Variants in PCAT7 observed in about 807,000 individuals in gnomAD.
PCAT7 encodes prostate cancer associated transcript 7 (non-protein coding).
At chr9:94,555,877 C>T (rs1478187670) in intron 1 of PCAT7, among the ~76,000 whole-genome samples, 1 of 144,326 alleles carries the variant, frequency 6.9e-6, no homozygotes. Context: ...GGGGAAAAGA[C>T]GGGAAAATAG....
exon 2 of PCAT7, chr9:94,559,149 G>T: frequency 6.2e-7 from 1 of 1,603,942 alleles, no homozygotes; most frequent in Non-Finnish European, 8.5e-7. Context: ...AGGAACAGAG[G>T]CAGGTGAGTA....
chr9:94,563,238 A>G, intron 2 of PCAT7: 2 of 1,312,522 alleles, frequency 1.5e-6, no homozygotes, highest in South Asian at 2.9e-5. Flanking sequence ...ATCCCCACAC[A>G]GACATGCCAT....
intron 2 of PCAT7, among the ~76,000 whole-genome samples, chr9:94,566,417 A>T (rs530416064): frequency 6.6e-6 from 1 of 152,386 alleles, no homozygotes; most frequent in African/African-American, 2.4e-5. Context: ...CCTTAAGGAC[A>T]TGCTCCTGCT....
At chr9:94,556,355 C>A (rs1827012479) in intron 1 of PCAT7, among the ~76,000 whole-genome samples, 1 of 151,290 alleles carries the variant, frequency 6.6e-6, no homozygotes, top group African/African-American at 2.4e-5. Flanking sequence ...TGGGGAAAAG[C>A]GTGGTGAGCG....
intron 2 of PCAT7, among the ~76,000 whole-genome samples, chr9:94,562,337 G>A (rs1827121988): frequency 6.9e-6 from 1 of 144,804 alleles, no homozygotes; most frequent in Admixed American, 7.0e-5. Flanking sequence ...AAAAAAGAAT[G>A]TCCATTGTCC....
chr9:94,566,043 T>A (rs1827184759), intron 2 of PCAT7, among the ~76,000 whole-genome samples: 2 of 152,256 alleles, frequency 1.3e-5, no homozygotes, highest in African/African-American at 4.8e-5. Flanking sequence ...AGAGTTCTTC[T>A]CCACCACATG....
intron 2 of PCAT7, among the ~76,000 whole-genome samples, chr9:94,560,555 A>G (rs897884498): frequency 6.6e-6 from 1 of 151,880 alleles, no homozygotes; most frequent in Non-Finnish European, 1.5e-5. Flanking sequence ...TTCATTCTCC[A>G]TTATCACCTT....
chr9:94,571,877 C>A (rs1407655360), intron 2 of PCAT7, among the ~76,000 whole-genome samples: 2 of 152,140 alleles, frequency 1.3e-5, no homozygotes, highest in Non-Finnish European at 2.9e-5. Context: ...ATGCTAAAAC[C>A]GTAGCCCCTC....
intron 2 of PCAT7, chr9:94,569,374 C>T (rs1295375617): frequency 6.6e-6 from 1 of 152,234 alleles, no homozygotes; most frequent in African/African-American, 2.4e-5. Flanking sequence ...GCAGTAACTC[C>T]TTTCACTTAA....
At chr9:94,558,580 A>G (rs111408569) in intron 1 of PCAT7, 11,179 of 287,818 alleles carry the variant, frequency 0.039, 404 homozygotes, top group East Asian at 0.14. Context: ...GGCATGAGCC[A>G]CCGCACCCAG....
At chr9:94,573,812 G>A (rs551663948) in intron 3 of PCAT7, among the ~76,000 whole-genome samples, 1 of 152,246 alleles carries the variant, frequency 6.6e-6, no homozygotes, top group East Asian at 1.9e-4. Context: ...TCTGGTTTTT[G>A]TATCAGGATA....
At chr9:94,568,489 A>AG (rs1204797959) in intron 2 of PCAT7, 1 of 152,156 alleles carries the variant, frequency 6.6e-6, no homozygotes, top group Non-Finnish European at 1.5e-5. Flanking sequence ...TAGGAGGAAA[A>AG]CCAGAGCCTG....
In PCAT7 at chr9:94,571,635, T is replaced by C. The variant is rs1262050034; in HGVS notation, n.442-1344T>C. ...AGAGAGGGATAAATGCCATGTGTTA[T>C]TGTTGTCTCTGGAGAGAACACTTTG... On this transcript the variant is annotated intron_variant and non_coding_transcript_variant, in intron 2 of 8. Coordinates refer to ENST00000647389, the Ensembl canonical transcript of PCAT7. The C allele has an allele frequency of 7.6e-6, 12 of 1,589,266 alleles. No homozygotes were observed. The South Asian group carries it at 1.0e-4, about 14-fold the overall frequency.
At chr9:94,566,071 T>G (rs1206459205) in intron 2 of PCAT7, among the ~76,000 whole-genome samples, 1 of 152,258 alleles carries the variant, frequency 6.6e-6, no homozygotes, top group Non-Finnish European at 1.5e-5. Flanking sequence ...CTGCTTAATC[T>G]TCTCATCAAA....
chr9:94,554,897 C>A (rs139586456), upstream of PCAT7, among the ~76,000 whole-genome samples: 1 of 152,160 alleles, frequency 6.6e-6, no homozygotes, highest in East Asian at 1.9e-4. Flanking sequence ...AATGACGCGC[C>A]GCTGCCTCAG....
At chr9:94,564,529 G>T (rs913487983) in intron 2 of PCAT7, among the ~76,000 whole-genome samples, 6 of 152,132 alleles carry the variant, frequency 3.9e-5, no homozygotes, top group African/African-American at 1.4e-4. Flanking sequence ...GGAGCTGAAG[G>T]CCTAATTATC....
intron 3 of PCAT7, among the ~76,000 whole-genome samples, chr9:94,574,475 C>T (rs369872619): frequency 3.3e-5 from 5 of 151,958 alleles, no homozygotes; most frequent in African/African-American, 1.2e-4. Context: ...TCTTTCATGT[C>T]TTGCTTATTT....
intron 3 of PCAT7, among the ~76,000 whole-genome samples, chr9:94,573,796 T>C (rs1266621758): frequency 1.3e-5 from 2 of 152,238 alleles, no homozygotes; most frequent in Non-Finnish European, 2.9e-5. Flanking sequence ...TTTTGAACAA[T>C]CTTTGTCTGG....
chr9:94,569,844 C>T (rs1403311619), intron 2 of PCAT7: 2 of 152,234 alleles, frequency 1.3e-5, no homozygotes, highest in Non-Finnish European at 2.9e-5. Context: ...GCCCTGCAAT[C>T]CCACAGACCT....
Sources: allele counts gnomAD v4.1 joint callset (sites outside exome capture counted in the v4.1 genomes callset), GRCh38; gene constraint gnomAD v4.1.1; transcripts MANE v1.5; gene names NCBI Gene and HGNC (gene_info 2026-07-23, HGNC 2026-07-21).